ZC3H3: variants seen among roughly 807,000 people sequenced by gnomAD.
The protein encoded by ZC3H3 is zinc finger CCCH domain-containing protein 3.
A neutral mutation model predicts 77.3 loss-of-function variants in ZC3H3; 36 were observed. The ratio of observed to expected loss-of-function variants is 0.47; its 90% CI spans 0.36 to 0.61. The LOEUF (loss-of-function observed/expected upper bound fraction) is 0.61. Ranked by LOEUF, ZC3H3 falls within the 20% of genes least tolerant of loss-of-function variation. The probability of loss-of-function intolerance (pLI) is 0.00; values close to 1 mark genes in which losing one functional copy is unlikely to be tolerated. For missense variants in ZC3H3, 1,331 were observed against 1,312.2 expected (o/e 1.01, Z -0.22); for synonymous variants, 626 against 555.2 (o/e 1.13, Z -1.79).
At chr8:143,531,101 A>T (rs1822591479) in intron 3 of ZC3H3, among the ~76,000 whole-genome samples, 1 of 151,920 alleles carries the variant, frequency 6.6e-6, no homozygotes, top group Non-Finnish European at 1.5e-5. Context: ...CTGGGACTAC[A>T]GGCGTGTGCC....
At chr8:143,478,477 G>A (rs1466688637) in intron 4 of ZC3H3, among the ~76,000 whole-genome samples, 8 of 152,192 alleles carry the variant, frequency 5.3e-5, no homozygotes, top group Admixed American at 4.6e-4. Context: ...CGGCCTGGCT[G>A]GGCACTACAG....
At chr8:143,526,705 G>A (rs2130482916) in intron 3 of ZC3H3, among the ~76,000 whole-genome samples, 1 of 152,244 alleles carries the variant, frequency 6.6e-6, no homozygotes, top group South Asian at 2.1e-4. Context: ...CCCAGCAGGG[G>A]ACTAAACAGG....
rs543653170 is a variant in ZC3H3 at position 143,530,350 on chromosome 8, C to T, written c.1561+5907G>A. Among the ~76,000 whole-genome samples the T allele has an allele frequency of 2.6e-5, 4 of 152,214 alleles. No homozygotes were observed. The South Asian group carries it at 8.3e-4, about 31-fold the overall frequency. ...GGGGCAGGCCACCGGCATGCATCCA[C>T]CATCCTGGGTGGGTGAAGCAGAGAG... On this transcript the variant is annotated intron_variant, in intron 3 of 11. Transcript: ENST00000262577. The surrounding 1 kb of genome is among the most constrained non-coding windows in gnomAD (Gnocchi z 4.3).
At chr8:143,525,313 A>G (rs1232705194) in intron 3 of ZC3H3, among the ~76,000 whole-genome samples, 2 of 152,218 alleles carry the variant, frequency 1.3e-5, no homozygotes, top group African/African-American at 4.8e-5. Context: ...AGGCGAGGGG[A>G]CCAGAAAGGA....
chr8:143,523,831 A>C (rs1822327101), intron 3 of ZC3H3, among the ~76,000 whole-genome samples: 1 of 152,244 alleles, frequency 6.6e-6, no homozygotes, highest in Non-Finnish European at 1.5e-5. Flanking sequence ...ACAACGCTCC[A>C]GGGCCAACTG....
At chr8:143,461,342 A>C (rs184564802) in intron 9 of ZC3H3, among the ~76,000 whole-genome samples, 216 of 152,306 alleles carry the variant, frequency 1.4e-3, no homozygotes, top group African/African-American at 5.0e-3. Flanking sequence ...TGTGCCAGAA[A>C]GGCAGATACC....
At chr8:143,472,893 T>C (rs937740732) in intron 5 of ZC3H3, among the ~76,000 whole-genome samples, 26 of 152,108 alleles carry the variant, frequency 1.7e-4, no homozygotes, top group African/African-American at 6.0e-4. Flanking sequence ...GCTGCTGCAG[T>C]GGGGGCCACT....
chr8:143,470,133 C>A lies in ZC3H3; in HGVS notation c.1904-1474G>T, dbSNP rs528971907. Among the ~76,000 whole-genome samples the A allele has an allele frequency of 2.4e-4, 37 of 152,268 alleles. 1 individual carries two copies. In the East Asian group the frequency reaches 6.6e-3, roughly 27 times the overall value. On this transcript the variant is annotated intron_variant, in intron 5 of 11. Transcript: ENST00000262577. ...CGCACCCCCAGGCTGGAGCCCCCCC[C>A]ACTCCTCGCTTTGTGCTTTGCGTCC... is the stretch of plus-strand genomic sequence containing the variant.
At position 143,446,926 on chromosome 8, in the gene ZC3H3, T is replaced by C. The variant is rs1819875220; in HGVS notation, c.2308-5806A>G. ...CACCAAGACAGTGGAGAGCCTCAGGTGAATCTCCCAGGCACCAGGTCACCT... is the reference window on the plus strand; with the variant it reads ...CACCAAGACAGTGGAGAGCCTCAGGCGAATCTCCCAGGCACCAGGTCACCT... On this transcript the variant is annotated intron_variant, in intron 9 of 11. Coordinates refer to ENST00000262577, the MANE Select transcript of ZC3H3 (RefSeq NM_015117.3). Among the ~76,000 whole-genome samples the C allele has an allele frequency of 2.0e-5, 3 of 152,218 alleles. No homozygotes were observed. In the South Asian group the frequency reaches 6.2e-4, roughly 31 times the overall value.
chr8:143,473,541 G>A lies in ZC3H3; in HGVS notation c.1903+1857C>T, dbSNP rs117669228. Among the ~76,000 whole-genome samples, 165 of 152,314 alleles carry A rather than the reference G, an allele frequency of 1.1e-3. 1 individual carries two copies. Among genetic ancestry groups the A allele is most frequent in the Non-Finnish European group, 2.1e-3 (140 of 68,014 alleles). The stretch of plus-strand genomic sequence containing the variant: ...TCGGGGTGCCCTTCCCTGGGCAGAG[G>A]GATCAGCCTGGCTGCTCTGCCCACT... On this transcript the variant is annotated intron_variant, in intron 5 of 11. Coordinates refer to ENST00000262577, the MANE Select transcript of ZC3H3 (RefSeq NM_015117.3).
chr8:143,526,552 A>G (rs971550619), intron 3 of ZC3H3, among the ~76,000 whole-genome samples: 9 of 152,156 alleles, frequency 5.9e-5, no homozygotes, highest in African/African-American at 1.7e-4. Flanking sequence ...CCAAGTCCAC[A>G]TGGACTCTGA....
In ZC3H3 at chr8:143,539,222, C is replaced by G; in HGVS notation, c.145G>C (p.Ala49Pro). The G allele has an allele frequency of 6.2e-7, 1 of 1,612,914 alleles. No homozygotes were observed. Among genetic ancestry groups the G allele is most frequent in the Non-Finnish European group, 8.5e-7 (1 of 1,180,024 alleles). The change falls in exon 2 of 12, where the codon GCC (alanine) becomes CCC (proline). Residue 49 changes from alanine to proline, a missense_variant. Ala to Pro is a conservative substitution (Grantham distance 27, BLOSUM62 -1). This residue lies in a region of ZC3H3 where 978 missense variants were observed against 915.5 expected (regional missense o/e 1.07). Coordinates refer to ENST00000262577, the MANE Select transcript of ZC3H3 (RefSeq NM_015117.3). ...GGACGAGGGTAGCGGGCACTAAAGGCTCTGCCACTGTGGTAAGTGGGTGGC... is the reference window on the plus strand; with the variant it reads ...GGACGAGGGTAGCGGGCACTAAAGGGTCTGCCACTGTGGTAAGTGGGTGGC... The part of the protein sequence containing the change: ...WQPPTYHSGR[A>P]FSARYPRPSR...
At chr8:143,497,309 T>C (rs1430492718) in intron 4 of ZC3H3, among the ~76,000 whole-genome samples, 1 of 152,182 alleles carries the variant, frequency 6.6e-6, no homozygotes, top group African/African-American at 2.4e-5. Flanking sequence ...CCAAGGCTTC[T>C]GCATCCACCT....
At chr8:143,476,326 G>A (rs558304369) in intron 4 of ZC3H3, among the ~76,000 whole-genome samples, 4 of 152,340 alleles carry the variant, frequency 2.6e-5, no homozygotes, top group South Asian at 2.1e-4. Context: ...TCAAGTCCAA[G>A]GGCTGAAGAG....
chr8:143,465,072 A>T (rs1820371465), intron 9 of ZC3H3, among the ~76,000 whole-genome samples: 1 of 152,022 alleles, frequency 6.6e-6, no homozygotes, highest in Non-Finnish European at 1.5e-5. Flanking sequence ...CAGACAGGTG[A>T]GCCTGTGAGT....
Position 143,533,934 on chromosome 8 carries a change from C to G in ZC3H3, c.1561+2323G>C, listed in dbSNP as rs550098997. ...CAGGTGATCCACCCGCCTCGGCCTC[C>G]CAGTGTGCTGGGATTACAGGCATGA... On this transcript the variant is annotated intron_variant, in intron 3 of 11. Transcript: ENST00000262577. This position sits in a 1 kb window ranked among gnomAD's most constrained non-coding sequence, Gnocchi z 4.0. 2.6e-5 allele frequency among the ~76,000 whole-genome samples: 4 copies of G among 152,158 alleles called. No individual in the cohort carries two copies. Among genetic ancestry groups the G allele is most frequent in the Admixed American group, 6.5e-5 (1 of 15,288 alleles).
chr8:143,476,750 GCT>G (rs536456614), intron 4 of ZC3H3, among the ~76,000 whole-genome samples: 1 of 152,370 alleles, frequency 6.6e-6, no homozygotes, highest in East Asian at 1.9e-4. Flanking sequence ...AGGACGGGCA[GCT>G]CAGGCCTGGC....
chr8:143,527,647 G>C (rs192556611), intron 3 of ZC3H3, among the ~76,000 whole-genome samples: 2 of 152,184 alleles, frequency 1.3e-5, no homozygotes, highest in African/African-American at 4.8e-5. Context: ...TATGAAAGCA[G>C]GACTCCAGAT....
chr8:143,438,411 T>A (rs761993746), intron 11 of ZC3H3, among the ~76,000 whole-genome samples: 1 of 152,134 alleles, frequency 6.6e-6, no homozygotes, highest in African/African-American at 2.4e-5. Context: ...GGCCACAAGG[T>A]CTGCAGGGTG....
Sources: allele counts gnomAD v4.1 joint callset (sites outside exome capture counted in the v4.1 genomes callset), GRCh38; gene constraint gnomAD v4.1.1; regional missense constraint gnomAD v4.1.1; non-coding constraint Gnocchi (gnomAD v3.1); transcripts MANE v1.5; gene names NCBI Gene and HGNC (gene_info 2026-07-23, HGNC 2026-07-21).